Variants in WRAP73 observed in about 807,000 individuals in gnomAD.
The protein encoded by WRAP73 is WD repeat containing, antisense to TP73, also known as WD repeat-containing protein WRAP73.
A neutral mutation model predicts 59.6 loss-of-function variants in WRAP73; 55 were observed. The observed-to-expected ratio is 0.92, with a 90% CI of 0.74 to 1.15. The LOEUF (loss-of-function observed/expected upper bound fraction) is 1.15. Ranked by LOEUF, WRAP73 falls within the 50% of genes most tolerant of loss-of-function variation. The probability of loss-of-function intolerance (pLI) is 0.00; values close to 1 mark genes in which losing one functional copy is unlikely to be tolerated. For missense variants in WRAP73, 592 were observed against 608.1 expected, an observed-to-expected ratio of 0.97 and a Z score of 0.28; for synonymous variants, 265 against 258.2, an observed-to-expected ratio of 1.03 and a Z score of -0.25.
At position 3,635,006 on chromosome 1, in the gene WRAP73, A is replaced by G. The variant is rs757306726; in HGVS notation, c.807T>C (p.Asp269=). 1 of 1,614,196 alleles carries G rather than the reference A, an allele frequency of 6.2e-7. No homozygotes were observed. Among genetic ancestry groups the G allele is most frequent in the South Asian group, 1.1e-5 (1 of 91,088 alleles). ...TEFGHPAAIN[D]PKIVVYKEAE... is the part of the protein sequence containing the mutation. ...CGTGTTCCAGACTTACTATCTTGGG[A>G]TCATTAATGGCTGCAGGATGCCCAA... is the stretch of plus-strand genomic sequence containing the variant. The change falls in exon 8 of 12, where the codon GAT becomes GAC. Residue 269 remains aspartate (D), a synonymous_variant. Transcript: ENST00000270708.
intron 8 of WRAP73, 159 bp downstream of exon 8, chr1:3,634,838 G>A (rs1644573942): frequency 2.2e-6 from 2 of 896,934 alleles, no homozygotes; most frequent in Non-Finnish European, 3.6e-6. Flanking sequence ...CAAAGGCCAG[G>A]GCAGGGCCAG....
intron 7 of WRAP73, 33 bp from the exon 8 acceptor site, chr1:3,635,107 G>C: frequency 6.2e-7 from 1 of 1,614,140 alleles, no homozygotes; most frequent in Non-Finnish European, 8.5e-7. Flanking sequence ...GGTGAGGCAG[G>C]GCCCGGCCCG....
rs148104596 is a variant in WRAP73 at position 3,635,028 on chromosome 1, C to G, written c.785G>C (p.Gly262Ala). ...GGGATCATTAATGGCTGCAGGATGC[C>G]CAAACTCCGTGATCATTTTCCAAGT... The part of the protein sequence containing the change: ...HVTWKMITEF[G>A]HPAAINDPKI... The change falls in exon 8 of 12, where the codon GGG (glycine) becomes GCG (alanine). Residue 262 changes from glycine to alanine, a missense_variant. Gly to Ala is a moderately conservative substitution (Grantham distance 60). Coordinates refer to ENST00000270708, the MANE Select transcript of WRAP73 (RefSeq NM_017818.4). 5.1e-4 allele frequency: 828 copies of G among 1,614,222 alleles called. No individual in the cohort carries two copies. The highest frequency in any genetic ancestry group is 6.0e-4 in the Non-Finnish European group (713 of 1,180,040).
intron 4 of WRAP73, among the ~76,000 whole-genome samples, chr1:3,638,453 TGCC>T (rs920896213): frequency 2.6e-5 from 4 of 152,278 alleles, no homozygotes; most frequent in African/African-American, 9.6e-5. Context: ...CGCCCAGCTC[TGCC>T]GCCAAGGTCA....
At chr1:3,642,308 G>C (rs910880547) in intron 3 of WRAP73, among the ~76,000 whole-genome samples, 26 of 152,218 alleles carry the variant, frequency 1.7e-4, no homozygotes, top group Non-Finnish European at 3.5e-4. Flanking sequence ...ACACACCATA[G>C]AACCTCAATA....
intron 4 of WRAP73, among the ~76,000 whole-genome samples, chr1:3,637,696 T>C (rs1644601244): frequency 6.6e-6 from 1 of 151,980 alleles, no homozygotes; most frequent in African/African-American, 2.4e-5. Flanking sequence ...CAGCCGGCTG[T>C]GATGGTGTGT....
intron 4 of WRAP73, 131 bp downstream of exon 4, chr1:3,638,619 A>T: frequency 1.1e-6 from 1 of 926,236 alleles, no homozygotes; most frequent in South Asian, 1.4e-5. Flanking sequence ...GGTCTCCTTT[A>T]AAAGAGCCCA....
At chr1:3,648,968 AC>A (rs1451751459) in intron 1 of WRAP73, among the ~76,000 whole-genome samples, 1 of 152,254 alleles carries the variant, frequency 6.6e-6, no homozygotes, top group Non-Finnish European at 1.5e-5. Flanking sequence ...CAAAAGCTAG[AC>A]AGAGCACAGG....
At position 3,636,030 on chromosome 1, in the gene WRAP73, G is replaced by A. The variant is rs1644586389; in HGVS notation, c.517C>T (p.His173Tyr). The change falls in exon 6 of 12, where the codon CAT (histidine) becomes TAT (tyrosine). Residue 173 changes from histidine to tyrosine, a missense_variant and splice_region_variant. Physicochemically the swap from His to Tyr is moderately conservative, Grantham distance 83. Coordinates refer to ENST00000270708, the MANE Select transcript of WRAP73 (RefSeq NM_017818.4). Reference sequence around the variant, plus strand: ...AGATCCTGGGTGTCCGTATCAAAATGCTTCCAAAGGAAGGGGGGGAAACAT... The same window carrying A: ...AGATCCTGGGTGTCCGTATCAAAATACTTCCAAAGGAAGGGGGGGAAACAT... ...FVCSDWQLLR[H>Y]FDTDTQDLTG... The A allele has an allele frequency of 1.9e-6, 3 of 1,612,974 alleles. No homozygotes were observed. The Admixed American group carries it at 5.0e-5, about 27-fold the overall frequency.
At chr1:3,633,257 G>A in intron 9 of WRAP73, 141 bp downstream of exon 9, 1 of 791,582 alleles carries the variant, frequency 1.3e-6, no homozygotes, top group Non-Finnish European at 2.2e-6. Flanking sequence ...CAGCCAACAG[G>A]CTGAGGGGCA....
chr1:3,638,196 A>G (rs1644605705), intron 4 of WRAP73, among the ~76,000 whole-genome samples: 1 of 152,264 alleles, frequency 6.6e-6, no homozygotes, highest in South Asian at 2.1e-4. Context: ...ACCTCCCACT[A>G]GCTCTGCGCG....
chr1:3,648,539 T>C (rs1173984690), intron 1 of WRAP73, among the ~76,000 whole-genome samples: 2 of 152,146 alleles, frequency 1.3e-5, no homozygotes, highest in Non-Finnish European at 1.5e-5. Context: ...CCTTATGAAA[T>C]GGAATATTTT....
At chr1:3,634,903 A>G in intron 8 of WRAP73, 94 bp downstream of exon 8, 1 of 1,438,696 alleles carries the variant, frequency 7.0e-7, no homozygotes, top group Non-Finnish European at 9.7e-7. Context: ...CCGGTTAAAT[A>G]ATAAACCACA....
intron 3 of WRAP73, among the ~76,000 whole-genome samples, chr1:3,643,153 G>A (rs539139489): frequency 6.6e-6 from 1 of 152,240 alleles, no homozygotes; most frequent in Non-Finnish European, 1.5e-5. Context: ...AAGGCCCAGC[G>A]ATGCCTGTCA....
chr1:3,646,882 G>A lies in WRAP73; in HGVS notation c.223-100C>T. The A allele has an allele frequency of 1.0e-6, 1 of 989,100 alleles. No homozygotes were observed. Among genetic ancestry groups the A allele is most frequent in the Non-Finnish European group, 1.6e-6 (1 of 643,904 alleles). The allele number at this position is 989,100 out of a possible 1,614,324, so 61.3% of individuals were successfully genotyped here. ...AACGCAGCGGAGACCCGACCGCACAGGGTGTCTTCAAACTCATCAGCAGTC... is the reference window on the plus strand; with the variant it reads ...AACGCAGCGGAGACCCGACCGCACAAGGTGTCTTCAAACTCATCAGCAGTC... On this transcript the variant is annotated intron_variant, in intron 2 of 11. Coordinates refer to ENST00000270708, the MANE Select transcript of WRAP73 (RefSeq NM_017818.4). This position sits in a 1 kb window ranked among gnomAD's most constrained non-coding sequence, Gnocchi z 5.1.
At position 3,650,070 on chromosome 1, in the gene WRAP73, C is replaced by A; in HGVS notation, c.-71G>T. 7.4e-7 allele frequency: 1 copy of A among 1,347,998 alleles called. No homozygotes were observed. Among genetic ancestry groups the A allele is most frequent in the Non-Finnish European group, 9.7e-7 (1 of 1,028,734 alleles). 83.5% of individuals were successfully genotyped at this position (1,347,998 alleles called of 1,614,324 possible). On this transcript the variant is annotated 5_prime_UTR_variant, in exon 1 of 12. Transcript: ENST00000270708. ...GGACCCCTGGGCGCGCAGCAGGCTG[C>A]AACAGCCGACGCCGGCCTCCGAGGC...
intron 9 of WRAP73, 54 bp downstream of exon 9, chr1:3,633,344 C>A: frequency 6.6e-7 from 1 of 1,504,652 alleles, no homozygotes; most frequent in South Asian, 1.1e-5. Context: ...ATCTGGACAA[C>A]GAGGAATCTT....
chr1:3,632,544 G>A, intron 9 of WRAP73: 1 of 724,868 alleles, frequency 1.4e-6, no homozygotes, highest in Non-Finnish European at 2.2e-6. Flanking sequence ...GGATGAGAGT[G>A]GCACCATCAC....
In WRAP73 at chr1:3,630,879, G is replaced by A. The variant is rs1159154510; in HGVS notation, c.*96C>T. 9 of 1,472,116 alleles carry A rather than the reference G, an allele frequency of 6.1e-6. No homozygotes were observed. The East Asian group carries it at 1.6e-4, about 26-fold the overall frequency. The allele number at this position is 1,472,116 out of a possible 1,614,324, so 91.2% of individuals were successfully genotyped here. On this transcript the variant is annotated 3_prime_UTR_variant, in exon 12 of 12. Coordinates refer to ENST00000270708, the MANE Select transcript of WRAP73 (RefSeq NM_017818.4). Reference sequence around the variant, plus strand: ...AAAATAGAATCAATCACTGAATCCAGACCACCACAGTGGAGAACCTCCTGG... The same window carrying A: ...AAAATAGAATCAATCACTGAATCCAAACCACCACAGTGGAGAACCTCCTGG...
Sources: gnomAD v4.1 joint callset for allele counts (sites outside exome capture counted in the v4.1 genomes callset) on GRCh38, gnomAD v4.1.1 for gene constraint, Gnocchi (gnomAD v3.1) non-coding constraint, MANE v1.5 for transcripts, NCBI Gene and HGNC (gene_info 2026-07-23, HGNC 2026-07-21) for gene names.